CKAP5: variants seen among roughly 807,000 people sequenced by gnomAD.
The protein encoded by CKAP5 is cytoskeleton-associated protein 5.
Under a neutral mutation model 232.8 loss-of-function variants are expected in CKAP5, and 27 were observed. The ratio of observed to expected loss-of-function variants is 0.12; its 90% confidence interval spans 0.09 to 0.16. The LOEUF (loss-of-function observed/expected upper bound fraction) is 0.16, where lower values mean the gene tolerates loss of function less well. Ranked by LOEUF, CKAP5 falls within the 10% of genes least tolerant of loss-of-function variation. The pLI, the probability that CKAP5 is intolerant of heterozygous loss-of-function variation, is 1.00. For missense variants in CKAP5, 1,838 were observed against 2,424.7 expected (o/e 0.76, Z 5.08); for synonymous variants, 785 against 841.1 (o/e 0.93, Z 1.16).
chr11:46,790,072 C>T lies in CKAP5; in HGVS notation c.1875+4G>A. The T allele has an allele frequency of 6.3e-7, 1 of 1,591,152 alleles. No individual in the cohort carries two copies. Among genetic ancestry groups the T allele is most frequent in the Non-Finnish European group, 8.6e-7 (1 of 1,161,898 alleles). The stretch of plus-strand genomic sequence containing the variant: ...TTCACACTCAATTCTTCCCTATGCA[C>T]TACCTTCTGGAACTCTTCCATACAA... On this transcript the variant is annotated splice_donor_region_variant and intron_variant, in intron 15 of 43. Transcript: ENST00000529230.
chr11:46,759,864 A>C (rs150058248), intron 33 of CKAP5, among the ~76,000 whole-genome samples: 2 of 152,190 alleles, frequency 1.3e-5, no homozygotes, highest in Non-Finnish European at 2.9e-5. Flanking sequence ...TTTGCTAATC[A>C]TAAGTACCAT....
chr11:46,842,093 C>T (rs868699595), intron 1 of CKAP5, among the ~76,000 whole-genome samples: 9 of 151,564 alleles, frequency 5.9e-5, no homozygotes, highest in Non-Finnish European at 1.3e-4. Context: ...GTGGGTTGGA[C>T]CTTCCCGCTA....
intron 26 of CKAP5, among the ~76,000 whole-genome samples, chr11:46,768,685 G>A (rs971433745): frequency 1.9e-4 from 27 of 145,834 alleles, no homozygotes; most frequent in African/African-American, 6.1e-4. Flanking sequence ...GGGCTGAAGC[G>A]ATCCTCCCAC....
intron 13 of CKAP5, among the ~76,000 whole-genome samples, chr11:46,791,503 C>T (rs1938721143): frequency 1.3e-5 from 2 of 152,010 alleles, no homozygotes; most frequent in African/African-American, 4.8e-5. Context: ...AAAACCCCAT[C>T]TCTACAAAAA....
rs1265024937 is a variant in CKAP5, at chr11:46,801,317, G to A, written c.979-13C>T. 3.1e-5 allele frequency: 49 copies of A among 1,593,190 alleles called. No individual in the cohort carries two copies. The highest frequency in any genetic ancestry group is 4.2e-5 in the Non-Finnish European group (49 of 1,161,340). On this transcript the variant is annotated splice_polypyrimidine_tract_variant and intron_variant, in intron 8 of 43. Transcript: ENST00000529230. ...CCTTTCCAACAACCTACAAAGGGGG[G>A]TAAAAAGGAAAACAAAATAGTCACA...
intron 1 of CKAP5, among the ~76,000 whole-genome samples, chr11:46,838,884 A>G (rs1939981607): frequency 6.6e-6 from 1 of 151,648 alleles, no homozygotes; most frequent in South Asian, 2.1e-4. Context: ...AAATAAAGAC[A>G]CAGAAACACA....
chr11:46,760,032 C>T (rs976870616), intron 33 of CKAP5, among the ~76,000 whole-genome samples: 1 of 152,206 alleles, frequency 6.6e-6, no homozygotes, highest in Non-Finnish European at 1.5e-5. Flanking sequence ...CATGACACAA[C>T]CCAAAATAGA....
At chr11:46,825,328 A>G (rs548148583) in intron 1 of CKAP5, among the ~76,000 whole-genome samples, 59 of 152,182 alleles carry the variant, frequency 3.9e-4, no homozygotes, top group Non-Finnish European at 7.5e-4. Context: ...AGGGACAGAG[A>G]GATTAAGTCA....
intron 16 of CKAP5, among the ~76,000 whole-genome samples, chr11:46,788,189 C>T (rs1477284842): frequency 1.3e-5 from 2 of 152,170 alleles, no homozygotes; most frequent in African/African-American, 4.8e-5. Context: ...GTTTCAACTG[C>T]ACAAGGGGTA....
At chr11:46,816,141 G>T in intron 4 of CKAP5, 57 bp downstream of exon 4, 1 of 1,413,606 alleles carries the variant, frequency 7.1e-7, no homozygotes, top group Non-Finnish European at 9.9e-7. Flanking sequence ...CTGGTCCCTG[G>T]TGCCAAAAAG....
chr11:46,779,466 A>ATACT (rs2065320280), intron 20 of CKAP5, among the ~76,000 whole-genome samples: 1 of 151,756 alleles, frequency 6.6e-6, no homozygotes, highest in African/African-American at 2.4e-5. Flanking sequence ...TCTTCCATGG[A>ATACT]TACTTTATTG....
chr11:46,786,812 C>T (rs141073806), intron 16 of CKAP5, among the ~76,000 whole-genome samples: 16 of 152,176 alleles, frequency 1.1e-4, no homozygotes, highest in African/African-American at 2.2e-4. Context: ...TGACCCAGCG[C>T]GCACACACAC....
At position 46,762,157 on chromosome 11, in the gene CKAP5, T is replaced by C. The variant is rs377566511; in HGVS notation, c.4064A>G (p.Tyr1355Cys). The stretch of plus-strand genomic sequence containing the variant: ...GGTTGGTTGGCAAACATTCATGCCA[T>C]AGGACTCAACCAGACATCCCAGCTC... Reference protein sequence around the residue: ...LEELGCLVESYGMNVCQPTPG... With the variant: ...LEELGCLVESCGMNVCQPTPG... The change falls in exon 32 of 44, where the codon TAT becomes TGT. Residue 1355 changes from tyrosine (Y) to cysteine (C), a missense_variant. Tyr to Cys is a radical substitution (Grantham distance 194). Coordinates refer to ENST00000529230, the MANE Select transcript of CKAP5 (RefSeq NM_001008938.4). The C allele has an allele frequency of 2.9e-5, 46 of 1,613,916 alleles. No homozygotes were observed. Among genetic ancestry groups the C allele is most frequent in the Non-Finnish European group, 3.4e-5 (40 of 1,179,974 alleles).
chr11:46,783,328 T>C lies in CKAP5; in HGVS notation c.2195A>G (p.Gln732Arg). Reference sequence around the variant, plus strand: ...TGATAGCCAATTCAGAGTTTCTGACTGATTTTTGGGATTCTTTTGTGAGAA... The same window carrying C: ...TGATAGCCAATTCAGAGTTTCTGACCGATTTTTGGGATTCTTTTGTGAGAA... The part of the protein sequence containing the change: ...MAFSQKNPKN[Q>R]SETLNWLSNA... The change falls in exon 18 of 44, where the codon CAG becomes CGG. Residue 732 changes from glutamine to arginine, a missense_variant. Gln to Arg is a conservative substitution (Grantham distance 43). Around this residue, in one of 6 missense-constraint regions of CKAP5, gnomAD observed 767 missense variants for 954.6 expected, o/e 0.80. Transcript: ENST00000529230. 1 of 1,612,972 alleles carries C rather than the reference T, an allele frequency of 6.2e-7. No individual in the cohort carries two copies. Among genetic ancestry groups the C allele is most frequent in the Non-Finnish European group, 8.5e-7 (1 of 1,179,508 alleles).
At chr11:46,778,356 A>C (rs1298959717) in intron 21 of CKAP5, 43 bp from the exon 22 acceptor site, 1 of 1,603,032 alleles carries the variant, frequency 6.2e-7, no homozygotes, top group South Asian at 1.1e-5. Flanking sequence ...CTCCAAAAAA[A>C]TGATGATATC....
At chr11:46,835,757 G>A (rs1332757272) in intron 1 of CKAP5, among the ~76,000 whole-genome samples, 6 of 152,154 alleles carry the variant, frequency 3.9e-5, no homozygotes, top group African/African-American at 1.4e-4. Context: ...CCGGGAAGTG[G>A]AATCTAATCC....
At chr11:46,780,929 C>A (rs1278326375) in intron 18 of CKAP5, among the ~76,000 whole-genome samples, 1 of 152,160 alleles carries the variant, frequency 6.6e-6, no homozygotes, top group Non-Finnish European at 1.5e-5. Flanking sequence ...CAGCCTCCTA[C>A]ACTAACTTTA....
intron 25 of CKAP5, among the ~76,000 whole-genome samples, chr11:46,770,443 A>T (rs530875007): frequency 1.3e-5 from 2 of 152,240 alleles, no homozygotes; most frequent in South Asian, 4.2e-4. Context: ...ATATATATAT[A>T]TTTTTAAGAC....
chr11:46,768,645 G>A (rs1340991026), intron 26 of CKAP5, among the ~76,000 whole-genome samples: 6 of 149,816 alleles, frequency 4.0e-5, no homozygotes, highest in African/African-American at 9.9e-5. Flanking sequence ...GCAGTGGTGC[G>A]ATCGTGGCTC....
Sources: allele counts gnomAD v4.1 joint callset (sites outside exome capture counted in the v4.1 genomes callset), GRCh38; gene constraint gnomAD v4.1.1; regional missense constraint gnomAD v4.1.1; transcripts MANE v1.5; gene names NCBI Gene and HGNC (gene_info 2026-07-23, HGNC 2026-07-21).